BMS1: variants seen among roughly 807,000 people sequenced by gnomAD.
BMS1 encodes BMS1 ribosome biogenesis factor.
In BMS1, 53 loss-of-function variants were observed where a neutral mutation model predicts 138.7. The observed-to-expected ratio is 0.38, with a 90% CI of 0.31 to 0.48. The LOEUF (loss-of-function observed/expected upper bound fraction) is 0.48, where lower values mean the gene tolerates loss of function less well. Among genes scored for constraint, BMS1 ranks in the 20% least tolerant of loss-of-function variants. BMS1 has a pLI of 0.97. For synonymous variants in BMS1, 504 were observed against 539.9 expected (o/e 0.93, Z 0.92); for missense variants, 1,360 against 1,565.5 (o/e 0.87, Z 2.22).
At chr10:42,809,090 G>C (rs1361683369) in intron 13 of BMS1, among the ~76,000 whole-genome samples, 1 of 152,088 alleles carries the variant, frequency 6.6e-6, no homozygotes, top group Non-Finnish European at 1.5e-5. Flanking sequence ...AGATCAGTTT[G>C]GGGGGATAAT....
At chr10:42,805,568 A>G (rs575945780) in intron 13 of BMS1, among the ~76,000 whole-genome samples, 1 of 152,230 alleles carries the variant, frequency 6.6e-6, no homozygotes. Flanking sequence ...CTTGTAAACA[A>G]TTTGGGAAAA....
At chr10:42,797,325 A>G (rs1249886536) in intron 10 of BMS1, 94 bp downstream of exon 10, 1 of 1,578,052 alleles carries the variant, frequency 6.3e-7, no homozygotes, top group Admixed American at 1.8e-5. Context: ...TGATTCTGTG[A>G]TTTTGTTAAC....
chr10:42,829,310 CAAAAA>C (rs575009105), intron 21 of BMS1, among the ~76,000 whole-genome samples: 62 of 145,566 alleles, frequency 4.3e-4, no homozygotes, highest in African/African-American at 1.5e-3. Context: ...GACTCCATCT[CAAAAA>C]AAAAAGAATT....
At chr10:42,799,326 G>A (rs1190965728) in intron 12 of BMS1, among the ~76,000 whole-genome samples, 2 of 152,100 alleles carry the variant, frequency 1.3e-5, no homozygotes, top group East Asian at 1.9e-4. Flanking sequence ...AGCTAGTTTC[G>A]AACTCTGGGT....
At chr10:42,802,721 T>C (rs1015871603) in intron 13 of BMS1, among the ~76,000 whole-genome samples, 2 of 151,520 alleles carry the variant, frequency 1.3e-5, no homozygotes, top group African/African-American at 2.4e-5. Context: ...AGTGATGTAC[T>C]TTTTATAAAT....
chr10:42,824,556 A>G (rs908581963), intron 21 of BMS1, among the ~76,000 whole-genome samples: 3 of 152,122 alleles, frequency 2.0e-5, no homozygotes, highest in Admixed American at 6.5e-5. Context: ...AATTATTGCT[A>G]AGGCCAACGT....
chr10:42,818,066 GAC>G (rs1218935470), intron 15 of BMS1, among the ~76,000 whole-genome samples: 1 of 152,240 alleles, frequency 6.6e-6, no homozygotes, highest in African/African-American at 2.4e-5. Context: ...GAAGGAGACA[GAC>G]ACAGAAACGT....
In BMS1 at chr10:42,796,911, G is replaced by A; in HGVS notation, c.1667G>A (p.Cys556Tyr). Reference protein sequence around the residue: ...GSKAGLSPANCQSDRVNLEKS... With the variant: ...GSKAGLSPANYQSDRVNLEKS... ...AAAGCAGGGCTGTCACCAGCTAATT[G>A]CCAGAGTGACCGTGTGAATCTGGAG... is the stretch of plus-strand genomic sequence containing the variant. Residue 556 changes from cysteine (C) to tyrosine (Y), a missense_variant, in exon 10 of 23, where the codon TGC becomes TAC. Cys to Tyr is a radical substitution (Grantham distance 194). This residue lies in a region of BMS1 where 697 missense variants were observed against 686.2 expected (regional missense o/e 1.02). Coordinates refer to ENST00000374518, the MANE Select transcript of BMS1 (RefSeq NM_014753.4). The A allele has an allele frequency of 1.2e-6, 2 of 1,614,156 alleles. No individual in the cohort carries two copies. Among genetic ancestry groups the A allele is most frequent in the Non-Finnish European group, 8.5e-7 (1 of 1,180,030 alleles).
rs1028011328 is a variant in BMS1, at chr10:42,785,536, A to G, written c.231A>G (p.Pro77=). The change falls in exon 3 of 23, where the codon CCA becomes CCG. Residue 77 remains proline, a synonymous_variant. Coordinates refer to ENST00000374518, the MANE Select transcript of BMS1 (RefSeq NM_014753.4). ...ATATTCCAGTGGTTGATCGAACTCC[A>G]CTAGAGCCCCCACCAATAGTGGTAG... is the stretch of plus-strand genomic sequence containing the variant. ...KHHIPVVDRT[P]LEPPPIVVVV... is the part of the protein sequence containing the mutation. 6.2e-6 allele frequency: 10 copies of G among 1,613,980 alleles called. No homozygotes were observed. The highest frequency in any genetic ancestry group is 2.2e-5 in the East Asian group (1 of 44,882).
chr10:42,830,502 T>C, intron 22 of BMS1, 80 bp downstream of exon 22: 1 of 1,515,834 alleles, frequency 6.6e-7, no homozygotes, highest in South Asian at 1.3e-5. Context: ...CTGTTTCTAC[T>C]GTAGTCTCAG....
In BMS1 at chr10:42,792,952, TC is replaced by T. The variant is rs918304963; in HGVS notation, c.902-3del. On this transcript the variant is annotated splice_polypyrimidine_tract_variant and splice_region_variant and intron_variant, in intron 7 of 22. Transcript: ENST00000374518. ...TGAAGCTGGCTTTTGGGTTCTGTCT[TC>T]CAGGGGTAGGAGATTTTGCCGTGAG... is the stretch of plus-strand genomic sequence containing the variant. The T allele has an allele frequency of 1.1e-5, 17 of 1,608,452 alleles. No homozygotes were observed. In the Admixed American group the frequency reaches 2.4e-4, roughly 22 times the overall value.
intron 11 of BMS1, among the ~76,000 whole-genome samples, chr10:42,797,735 A>G (rs1326529984): frequency 6.6e-6 from 1 of 152,184 alleles, no homozygotes; most frequent in Admixed American, 6.5e-5. Context: ...AACTTGATGC[A>G]AATACCGTCC....
In BMS1 at chr10:42,831,863, CAT is replaced by C. The variant is rs1468995463; in HGVS notation, c.*768_*769del. The C allele has an allele frequency of 6.6e-6, 1 of 152,072 alleles. No homozygotes were observed. The highest frequency in any genetic ancestry group is 1.5e-5 in the Non-Finnish European group (1 of 68,028). The allele number at this position is 152,072 out of a possible 1,614,324, so 9.4% of individuals were successfully genotyped here. A position where few individuals can be genotyped will look rare whatever the true frequency, so the allele number is the denominator to read the frequency against. ...CTACATTGCCTTTTTTTAAATTAAA[CAT>C]TATGTTGAAGTAATCATACTATTAC... On this transcript the variant is annotated 3_prime_UTR_variant, in exon 23 of 23. Transcript: ENST00000374518.
intron 12 of BMS1, among the ~76,000 whole-genome samples, chr10:42,800,034 GT>G (rs1841820448): frequency 6.6e-6 from 1 of 152,160 alleles, no homozygotes; most frequent in Non-Finnish European, 1.5e-5. Flanking sequence ...CTGTGAATGG[GT>G]ATGGAGCAAT....
At position 42,823,778 on chromosome 10, in the gene BMS1, G is replaced by A. The variant is rs774482752; in HGVS notation, c.3450G>A (p.Leu1150=). The A allele has an allele frequency of 2.5e-5, 40 of 1,587,948 alleles. No homozygotes were observed. Among genetic ancestry groups the A allele is most frequent in the East Asian group, 4.5e-5 (2 of 44,688 alleles). Reference sequence around the variant, plus strand: ...GACTAAAGGCGAACAAGGACTCTCTGTATAAGGTACTGGTCGCGTGTGTGT... The same window carrying A: ...GACTAAAGGCGAACAAGGACTCTCTATATAAGGTACTGGTCGCGTGTGTGT... ...GVRLKANKDS[L]YKPILRQKKH... The change falls in exon 21 of 23, where the codon CTG becomes CTA. Residue 1150 remains leucine, a synonymous_variant. Transcript: ENST00000374518.
At position 42,831,465 on chromosome 10, in the gene BMS1, A is replaced by G. The variant is rs143662849; in HGVS notation, c.*369A>G. On this transcript the variant is annotated 3_prime_UTR_variant, in exon 23 of 23. Transcript: ENST00000374518. Reference sequence around the variant, plus strand: ...GACAATTCTTTGTGGATAATTATTTATACTACCACCTTCATGAGGAGTCTT... The same window carrying G: ...GACAATTCTTTGTGGATAATTATTTGTACTACCACCTTCATGAGGAGTCTT... The G allele has an allele frequency of 1.6e-5, 3 of 190,926 alleles. No homozygotes were observed. Among genetic ancestry groups the G allele is most frequent in the African/African-American group, 4.7e-5 (2 of 42,420 alleles). 11.8% of individuals were successfully genotyped at this position (190,926 alleles called of 1,614,324 possible).
Position 42,820,675 on chromosome 10 carries a change from A to G in BMS1, c.2937A>G (p.Gly979=), listed in dbSNP as rs772232338. 2 of 1,611,910 alleles carry G rather than the reference A, an allele frequency of 1.2e-6. No individual in the cohort carries two copies. Among genetic ancestry groups the G allele is most frequent in the Non-Finnish European group, 1.7e-6 (2 of 1,179,778 alleles). Residue 979 remains glycine, a synonymous_variant, in exon 17 of 23, where the codon GGA becomes GGG. Transcript: ENST00000374518. ...LKYTPQHMHC[G]AAFWGPITPQ... ...ATACCCCACAGCACATGCATTGCGG[A>G]GCAGCCTTTTGGGGTAAAATATGAT...
In BMS1 at chr10:42,817,341, T is replaced by G. The variant is rs1284091374; in HGVS notation, c.2427T>G (p.Val809=). The part of the protein sequence containing the change: ...NTQNEDIEKE[V]KEEIDPDEEE... Reference sequence around the variant, plus strand: ...AGAATGAAGATATAGAGAAAGAAGTTAAGGAAGAAATTGACCCCGACGAAG... The same window carrying G: ...AGAATGAAGATATAGAGAAAGAAGTGAAGGAAGAAATTGACCCCGACGAAG... Residue 809 remains valine, a synonymous_variant, in exon 15 of 23, where the codon GTT becomes GTG. Transcript: ENST00000374518. 1.9e-6 allele frequency: 3 copies of G among 1,604,900 alleles called. No homozygotes were observed. Among genetic ancestry groups the G allele is most frequent in the South Asian group, 1.1e-5 (1 of 89,174 alleles).
chr10:42,824,180 A>G (rs190599136), intron 21 of BMS1, among the ~76,000 whole-genome samples: 81 of 152,288 alleles, frequency 5.3e-4, no homozygotes, highest in African/African-American at 1.6e-3. Flanking sequence ...CAAAAATCCC[A>G]AAGACAATAC....
Sources: gnomAD v4.1 joint callset for allele counts (sites outside exome capture counted in the v4.1 genomes callset) on GRCh38, gnomAD v4.1.1 for gene constraint, gnomAD v4.1.1 regional missense constraint, MANE v1.5 for transcripts, NCBI Gene and HGNC (gene_info 2026-07-23, HGNC 2026-07-21) for gene names.